Variants in AUTS2 observed in about 807,000 individuals in gnomAD.
AUTS2 encodes autism susceptibility gene 2 protein.
A neutral mutation model predicts 112.4 loss-of-function variants in AUTS2; 17 were observed. The ratio of observed to expected loss-of-function variants is 0.15; its 90% CI spans 0.10 to 0.23. The LOEUF (loss-of-function observed/expected upper bound fraction) is 0.23. Ranked by LOEUF, AUTS2 falls within the 10% of genes least tolerant of loss-of-function variation. AUTS2 has a pLI of 1.00. For synonymous variants in AUTS2, 751 were observed against 702.7 expected (o/e 1.07, Z -1.09); for missense variants, 1,510 against 1,701.6 (o/e 0.89, Z 1.98).
At chr7:69,694,160 G>A (rs532656158) in intron 1 of AUTS2, among the ~76,000 whole-genome samples, 6 of 152,242 alleles carry the variant, frequency 3.9e-5, no homozygotes, top group African/African-American at 1.4e-4. Flanking sequence ...ACTAATAGGT[G>A]TTGCTTGTTG....
At chr7:70,114,732 C>T (rs369314222) in intron 2 of AUTS2, among the ~76,000 whole-genome samples, 30 of 151,514 alleles carry the variant, frequency 2.0e-4, no homozygotes, top group South Asian at 4.2e-4. Context: ...ACCGGGGAGG[C>T]GGAGGTTGCG....
At chr7:70,295,582 T>C (rs191222126) in intron 4 of AUTS2, among the ~76,000 whole-genome samples, 2 of 152,308 alleles carry the variant, frequency 1.3e-5, no homozygotes, top group East Asian at 3.9e-4. Context: ...AATCTTGGTC[T>C]CCTGGCTTTG....
chr7:69,639,366 A>G (rs1226179084), intron 1 of AUTS2, among the ~76,000 whole-genome samples: 1 of 152,194 alleles, frequency 6.6e-6, no homozygotes, highest in Non-Finnish European at 1.5e-5. Context: ...ATCTTGATGG[A>G]AAGTTCCCTG....
At chr7:70,649,631 C>T (rs1393278660) in intron 5 of AUTS2, among the ~76,000 whole-genome samples, 2 of 152,042 alleles carry the variant, frequency 1.3e-5, no homozygotes, top group African/African-American at 2.4e-5. Context: ...TGGGTTCAAA[C>T]GATTTTCTTG....
chr7:70,643,639 G>A (rs904225132), intron 5 of AUTS2, among the ~76,000 whole-genome samples: 12 of 152,186 alleles, frequency 7.9e-5, no homozygotes, highest in Non-Finnish European at 1.8e-4. Flanking sequence ...GTCCTCTGCT[G>A]ATTTTCTGAT....
At chr7:69,662,036 C>T (rs1234153597) in intron 1 of AUTS2, among the ~76,000 whole-genome samples, 2 of 152,072 alleles carry the variant, frequency 1.3e-5, no homozygotes, top group African/African-American at 4.8e-5. Flanking sequence ...TTATTTGCTC[C>T]TTTTATCTTG....
At chr7:70,563,324 G>A (rs1379959050) in intron 5 of AUTS2, among the ~76,000 whole-genome samples, 2 of 152,196 alleles carry the variant, frequency 1.3e-5, no homozygotes, top group Non-Finnish European at 2.9e-5. Flanking sequence ...GGAGGTATGT[G>A]GTAGCCCTTT....
intron 6 of AUTS2, among the ~76,000 whole-genome samples, chr7:70,746,276 G>T (rs1788448145): frequency 6.6e-6 from 1 of 152,098 alleles, no homozygotes; most frequent in Non-Finnish European, 1.5e-5. Context: ...CTCCTGAGTA[G>T]CTGGGATTAC....
chr7:69,707,640 T>C (rs987699941), intron 1 of AUTS2, among the ~76,000 whole-genome samples: 13 of 152,242 alleles, frequency 8.5e-5, no homozygotes, highest in African/African-American at 3.1e-4. Flanking sequence ...TGTGCCTTTC[T>C]GGATGCTAGG....
intron 4 of AUTS2, among the ~76,000 whole-genome samples, chr7:70,180,175 A>T (rs1014698704): frequency 1.3e-5 from 2 of 152,212 alleles, no homozygotes; most frequent in African/African-American, 2.4e-5. Flanking sequence ...TTCAGATTTT[A>T]AAAAATAAGT....
intron 5 of AUTS2, among the ~76,000 whole-genome samples, chr7:70,546,164 C>T (rs1800766176): frequency 1.3e-5 from 2 of 152,204 alleles, no homozygotes; most frequent in African/African-American, 4.8e-5. Context: ...AAAATTTTAG[C>T]TGGGTGTGGT....
At chr7:69,802,256 A>ACCCT (rs1790118415) in intron 1 of AUTS2, among the ~76,000 whole-genome samples, 2 of 152,226 alleles carry the variant, frequency 1.3e-5, no homozygotes, top group Non-Finnish European at 2.9e-5. Context: ...GCCCTAAGGA[A>ACCCT]AAAGCCTGTC....
chr7:69,947,139 C>T (rs190426236), intron 2 of AUTS2, among the ~76,000 whole-genome samples: 206 of 152,286 alleles, frequency 1.4e-3, no homozygotes, highest in Admixed American at 3.6e-3. Context: ...GGAGCCATTG[C>T]GGCTTACACA....
chr7:69,727,975 C>G (rs1051582555), intron 1 of AUTS2, among the ~76,000 whole-genome samples: 3 of 152,176 alleles, frequency 2.0e-5, no homozygotes, highest in Non-Finnish European at 4.4e-5. Flanking sequence ...TCCCTAGATT[C>G]TTCTGAGTGC....
At chr7:70,614,559 C>T (rs899579550) in intron 5 of AUTS2, among the ~76,000 whole-genome samples, 5 of 152,194 alleles carry the variant, frequency 3.3e-5, no homozygotes, top group Admixed American at 1.3e-4. Flanking sequence ...GGGATTGGAA[C>T]TTGCTGCAGA....
intron 4 of AUTS2, among the ~76,000 whole-genome samples, chr7:70,269,592 T>A (rs1171631887): frequency 6.6e-6 from 1 of 152,194 alleles, no homozygotes; most frequent in Non-Finnish European, 1.5e-5. Context: ...GCCTACAAAA[T>A]GAAGATAATA....
At chr7:69,903,256 C>T (rs781407374) in intron 2 of AUTS2, among the ~76,000 whole-genome samples, 46 of 152,170 alleles carry the variant, frequency 3.0e-4, no homozygotes, top group African/African-American at 1.0e-3. Context: ...AGTCAGGTGT[C>T]GCTAAACCGA....
At chr7:69,948,837 C>T (rs1490875535) in intron 2 of AUTS2, among the ~76,000 whole-genome samples, 1 of 151,416 alleles carries the variant, frequency 6.6e-6, no homozygotes, top group Non-Finnish European at 1.5e-5. Flanking sequence ...CAGAGTTTCA[C>T]TCTTGTCACC....
chr7:69,624,347 T>TA (rs899697133), intron 1 of AUTS2, among the ~76,000 whole-genome samples: 7 of 152,118 alleles, frequency 4.6e-5, no homozygotes, highest in Non-Finnish European at 8.8e-5. Context: ...TAGTTTTTTT[T>TA]AAAAAAAGTT....
Sources: allele counts gnomAD v4.1 joint callset (sites outside exome capture counted in the v4.1 genomes callset), GRCh38; gene constraint gnomAD v4.1.1; transcripts MANE v1.5; gene names NCBI Gene and HGNC (gene_info 2026-07-23, HGNC 2026-07-21).